Variants in LMX1B observed in about 807,000 individuals in gnomAD.
The protein encoded by LMX1B is LIM homeobox transcription factor 1-beta.
Under a neutral mutation model 51.4 loss-of-function variants are expected in LMX1B, and 12 were observed. That is an observed-to-expected ratio of 0.23 (90% CI 0.15 to 0.38). The LOEUF is 0.38. Ranked by LOEUF, LMX1B falls within the 10% of genes least tolerant of loss-of-function variation. The pLI is 1.00. For synonymous variants in LMX1B, 237 were observed against 235.4 expected (o/e 1.01, Z -0.06); for missense variants, 445 against 571.1 (o/e 0.78, Z 2.25).
chr9:126,657,306 G>A (rs776644321), intron 2 of LMX1B, among the ~76,000 whole-genome samples: 40 of 152,240 alleles, frequency 2.6e-4, no homozygotes, highest in Non-Finnish European at 5.4e-4. Flanking sequence ...AAATATGGTA[G>A]AGCATAAAAT....
At chr9:126,688,549 C>G (rs914806458) in intron 2 of LMX1B, among the ~76,000 whole-genome samples, 8 of 152,198 alleles carry the variant, frequency 5.3e-5, no homozygotes, top group African/African-American at 1.9e-4. Flanking sequence ...GGAGGACCAC[C>G]CTCCATGTCA....
intron 2 of LMX1B, among the ~76,000 whole-genome samples, chr9:126,668,492 C>T (rs10987401): frequency 0.29 from 39,783 of 135,616 alleles, 5,965 homozygotes; most frequent in East Asian, 0.53. Flanking sequence ...CTCGCTCTGT[C>T]GCCCAGGCTG....
rs144294841 is a variant in LMX1B at position 126,683,628 on chromosome 9, C to T, written c.327-7208C>T. 2.9e-3 allele frequency among the ~76,000 whole-genome samples: 436 copies of T among 152,336 alleles called. 3 individuals are homozygous for T. The highest frequency in any genetic ancestry group is 9.3e-3 in the African/African-American group (385 of 41,576). ...GTCCCGCCCACAACCATAACCTCAG[C>T]CACCACACTGAGCGCTTACTGTCCG... is the stretch of plus-strand genomic sequence containing the variant. On this transcript the variant is annotated intron_variant, in intron 2 of 7. Coordinates refer to ENST00000373474, the MANE Select transcript of LMX1B (RefSeq NM_001174147.2).
At chr9:126,654,971 C>T (rs1836085401) in intron 2 of LMX1B, among the ~76,000 whole-genome samples, 2 of 152,234 alleles carry the variant, frequency 1.3e-5, no homozygotes, top group South Asian at 2.1e-4. Flanking sequence ...ATACCCCCAT[C>T]CCCCACAGCT....
chr9:126,656,437 A>AGATG (rs1836119239), intron 2 of LMX1B, among the ~76,000 whole-genome samples: 4 of 147,212 alleles, frequency 2.7e-5, no homozygotes, highest in African/African-American at 7.5e-5. Flanking sequence ...ATAGATAGAT[A>AGATG]GGATAGATAG....
chr9:126,679,950 G>A (rs1354836866), intron 2 of LMX1B, among the ~76,000 whole-genome samples: 6 of 152,146 alleles, frequency 3.9e-5, no homozygotes, highest in South Asian at 2.1e-4. Context: ...CCCTCCACCC[G>A]GCTAAGTTTG....
chr9:126,687,656 G>A (rs1350883767), intron 2 of LMX1B, among the ~76,000 whole-genome samples: 4 of 152,208 alleles, frequency 2.6e-5, no homozygotes, highest in Admixed American at 6.5e-5. Context: ...CTGACAACTC[G>A]CTACATCTTC....
At chr9:126,672,915 G>C (rs939136607) in intron 2 of LMX1B, among the ~76,000 whole-genome samples, 1 of 152,238 alleles carries the variant, frequency 6.6e-6, no homozygotes, top group South Asian at 2.1e-4. Flanking sequence ...GGCCAGTGAC[G>C]TGCCCAGGCA....
At chr9:126,663,162 C>T (rs1347419005) in intron 2 of LMX1B, among the ~76,000 whole-genome samples, 1 of 152,066 alleles carries the variant, frequency 6.6e-6, no homozygotes, top group African/African-American at 2.4e-5. Context: ...TGCAGTGGCT[C>T]ACACCTGTAA....
At chr9:126,670,827 C>A (rs1177954287) in intron 2 of LMX1B, among the ~76,000 whole-genome samples, 2 of 152,194 alleles carry the variant, frequency 1.3e-5, no homozygotes, top group East Asian at 3.8e-4. Context: ...AAGTTTATTT[C>A]ATTATATGGC....
Position 126,615,896 on chromosome 9 carries a change from A to T in LMX1B, c.326+327A>T, listed in dbSNP as rs1835295327. ...CGGAGGCCTGAATTGGGAACCCAAAATTGATTTCCAAAGGAAAATAATGTT... is the reference window on the plus strand; with the variant it reads ...CGGAGGCCTGAATTGGGAACCCAAATTTGATTTCCAAAGGAAAATAATGTT... On this transcript the variant is annotated intron_variant, in intron 2 of 7. Transcript: ENST00000373474. This position sits in a 1 kb window ranked among gnomAD's most constrained non-coding sequence, Gnocchi z 6.0. Among the ~76,000 whole-genome samples, 1 of 152,196 alleles carries T rather than the reference A, an allele frequency of 6.6e-6. No homozygotes were observed. Among genetic ancestry groups the T allele is most frequent in the African/African-American group, 2.4e-5 (1 of 41,462 alleles).
chr9:126,621,753 C>T (rs1286546409), intron 2 of LMX1B, among the ~76,000 whole-genome samples: 1 of 149,914 alleles, frequency 6.7e-6, no homozygotes, highest in African/African-American at 2.5e-5. Flanking sequence ...CTGAAGCATC[C>T]ATCTTCTCTC....
intron 2 of LMX1B, among the ~76,000 whole-genome samples, chr9:126,637,758 A>T (rs1403420642): frequency 6.6e-6 from 1 of 150,590 alleles, no homozygotes; most frequent in Non-Finnish European, 1.5e-5. Context: ...TTTCACCTCT[A>T]TCACGTGCAG....
intron 2 of LMX1B, among the ~76,000 whole-genome samples, chr9:126,686,144 G>A (rs184534979): frequency 6.6e-6 from 1 of 152,144 alleles, no homozygotes; most frequent in East Asian, 1.9e-4. Context: ...GCCGGGCGTG[G>A]TGGCGGGTGC....
Position 126,696,308 on chromosome 9 carries a change from T to C in LMX1B, c.1066T>C (p.Phe356Leu). Residue 356 changes from phenylalanine (F) to leucine (L), a missense_variant, in exon 8 of 8, where the codon TTC becomes CTC. Coordinates refer to ENST00000373474, the MANE Select transcript of LMX1B (RefSeq NM_001174147.2). ...CTGCCCCCCAGGGAACGACTCCATC[T>C]TCCATGACATCGACAGCGATACCTC... ...HMNPYGNDSI[F>L]HDIDSDTSLT... 1 of 1,614,040 alleles carries C rather than the reference T, an allele frequency of 6.2e-7. No individual in the cohort carries two copies. The highest frequency in any genetic ancestry group is 8.5e-7 in the Non-Finnish European group (1 of 1,179,950).
At chr9:126,627,885 T>C (rs1455488649) in intron 2 of LMX1B, among the ~76,000 whole-genome samples, 1 of 152,144 alleles carries the variant, frequency 6.6e-6, no homozygotes, top group Non-Finnish European at 1.5e-5. Context: ...TCCACAGTCC[T>C]TTTGAGAACC....
At chr9:126,634,892 A>T (rs1439705702) in intron 2 of LMX1B, among the ~76,000 whole-genome samples, 1 of 152,128 alleles carries the variant, frequency 6.6e-6, no homozygotes, top group Non-Finnish European at 1.5e-5. Flanking sequence ...GCCAAAGCCC[A>T]GAGACATGGA....
intron 2 of LMX1B, among the ~76,000 whole-genome samples, chr9:126,653,850 C>T (rs149253355): frequency 2.6e-5 from 4 of 152,158 alleles, no homozygotes; most frequent in Admixed American, 1.3e-4. Context: ...AACATTAGGA[C>T]GTTGTCTTGG....
At chr9:126,639,699 G>C (rs947321400) in intron 2 of LMX1B, among the ~76,000 whole-genome samples, 15 of 152,326 alleles carry the variant, frequency 9.8e-5, no homozygotes, top group African/African-American at 3.1e-4. Context: ...TGACTGGGGA[G>C]GGGGGCAGAG....
Sources: allele counts gnomAD v4.1 joint callset (sites outside exome capture counted in the v4.1 genomes callset), GRCh38; gene constraint gnomAD v4.1.1; non-coding constraint Gnocchi (gnomAD v3.1); transcripts MANE v1.5; gene names NCBI Gene and HGNC (gene_info 2026-07-23, HGNC 2026-07-21).